AGBL4: variants seen among roughly 807,000 people sequenced by gnomAD.
The protein encoded by AGBL4 is AGBL carboxypeptidase 4.
AGBL4 carries 58 observed loss-of-function variants against 66.4 expected under a neutral mutation model. That is an observed-to-expected ratio of 0.87 (90% CI 0.71 to 1.09). The LOEUF (loss-of-function observed/expected upper bound fraction) is 1.09, where lower values mean the gene tolerates loss of function less well. AGBL4 is among the 50% of genes least tolerant of loss of function. The probability of loss-of-function intolerance (pLI) is 0.00; values close to 1 mark genes in which losing one functional copy is unlikely to be tolerated. For missense variants in AGBL4, 579 were observed against 631.0 expected (o/e 0.92, Z 0.88); for synonymous variants, 234 against 222.9 (o/e 1.05, Z -0.44).
At chr1:49,747,808 A>G (rs1024865462) in intron 2 of AGBL4, among the ~76,000 whole-genome samples, 4 of 152,120 alleles carry the variant, frequency 2.6e-5, no homozygotes, top group African/African-American at 9.7e-5. Flanking sequence ...GTTTACTATC[A>G]TTTGATGCAA....
intron 4 of AGBL4, among the ~76,000 whole-genome samples, chr1:49,110,716 A>C (rs921081180): frequency 6.6e-5 from 10 of 151,900 alleles, no homozygotes; most frequent in Admixed American, 5.2e-4. Flanking sequence ...AACAACCTTG[A>C]CCCCGTGACT....
chr1:49,953,570 C>T (rs929136743), intron 1 of AGBL4, among the ~76,000 whole-genome samples: 26 of 151,738 alleles, frequency 1.7e-4, no homozygotes, highest in Admixed American at 5.3e-4. Flanking sequence ...CACGCTTAAT[C>T]CAAAAATCCG....
chr1:50,003,614 G>C (rs1394174014), intron 1 of AGBL4, among the ~76,000 whole-genome samples: 2 of 152,172 alleles, frequency 1.3e-5, no homozygotes, highest in Non-Finnish European at 2.9e-5. Flanking sequence ...CCAGGGACCA[G>C]AGAATTCTAT....
chr1:49,373,007 G>A (rs1188797638), intron 3 of AGBL4, among the ~76,000 whole-genome samples: 3 of 151,950 alleles, frequency 2.0e-5, no homozygotes, highest in East Asian at 3.9e-4. Context: ...GATCCTCCTG[G>A]GTCACCTTCC....
chr1:48,952,788 C>T (rs182971334), intron 5 of AGBL4, among the ~76,000 whole-genome samples: 1 of 152,264 alleles, frequency 6.6e-6, no homozygotes, highest in Non-Finnish European at 1.5e-5. Context: ...GGGCCACACA[C>T]AGTCCAAGAT....
At chr1:49,759,716 T>C (rs987319221) in intron 2 of AGBL4, among the ~76,000 whole-genome samples, 3 of 152,160 alleles carry the variant, frequency 2.0e-5, no homozygotes, top group East Asian at 1.9e-4. Flanking sequence ...CAAATGTCCA[T>C]TAACAGATGA....
rs1001639100 is a variant in AGBL4, at chr1:48,533,549, T to C, written c.*624A>G. ...AATTTTAATTAAACTACCGAGGAAA[T>C]TGGGAAACAGCTCTCAAAACAGTTT... On this transcript the variant is annotated 3_prime_UTR_variant, in exon 14 of 14. Coordinates refer to ENST00000371839, the MANE Select transcript of AGBL4 (RefSeq NM_032785.4). The C allele has an allele frequency of 1.3e-5, 2 of 152,598 alleles. No individual in the cohort carries two copies. The highest frequency in any genetic ancestry group is 3.2e-3 in the Middle Eastern group (1 of 316). 9.5% of individuals were successfully genotyped at this position (152,598 alleles called of 1,614,324 possible). A position where few individuals can be genotyped will look rare whatever the true frequency, so the allele number is the denominator to read the frequency against.
At chr1:48,669,318 G>A (rs1646239861) in intron 6 of AGBL4, among the ~76,000 whole-genome samples, 1 of 152,198 alleles carries the variant, frequency 6.6e-6, no homozygotes, top group East Asian at 1.9e-4. Flanking sequence ...TGAGTGACAA[G>A]CCGTGGAATG....
chr1:48,697,276 C>A (rs76924002), intron 6 of AGBL4, among the ~76,000 whole-genome samples: 4,018 of 152,188 alleles, frequency 0.026, 127 homozygotes, highest in South Asian at 0.13. Context: ...ATGAAAATGC[C>A]CCGTGCTGCC....
rs1002648061 is a variant in AGBL4, at chr1:48,736,556, A to T, written c.635-73315T>A. On this transcript the variant is annotated intron_variant, in intron 6 of 13. Transcript: ENST00000371839. This position sits in a 1 kb window ranked among gnomAD's most constrained non-coding sequence, Gnocchi z 4.0. The stretch of plus-strand genomic sequence containing the variant: ...ATTGCTGCACAACTGTAAGAGATTC[A>T]TGTCATAAATATGAAATTAACTCTC... 2.0e-6 allele frequency: 2 copies of T among 986,458 alleles called. No individual in the cohort carries two copies. Among genetic ancestry groups the T allele is most frequent in the Non-Finnish European group, 3.1e-6 (2 of 646,442 alleles). The allele number at this position is 986,458 out of a possible 1,614,324, so 61.1% of individuals were successfully genotyped here.
intron 3 of AGBL4, among the ~76,000 whole-genome samples, chr1:49,329,450 G>A (rs1322471695): frequency 6.6e-6 from 1 of 152,172 alleles, no homozygotes; most frequent in Non-Finnish European, 1.5e-5. Flanking sequence ...TGGATTGCTT[G>A]AGATCAGGAG....
chr1:49,871,606 G>A (rs759288092), intron 1 of AGBL4, among the ~76,000 whole-genome samples: 1 of 151,970 alleles, frequency 6.6e-6, no homozygotes, highest in Non-Finnish European at 1.5e-5. Flanking sequence ...GATATATTCA[G>A]CTTCTTCAGT....
At chr1:48,855,631 T>C (rs1048746158) in intron 6 of AGBL4, among the ~76,000 whole-genome samples, 2 of 152,166 alleles carry the variant, frequency 1.3e-5, no homozygotes, top group African/African-American at 4.8e-5. Flanking sequence ...ATTCCATTTC[T>C]AAAATATCCA....
intron 4 of AGBL4, among the ~76,000 whole-genome samples, chr1:49,221,545 C>A (rs1557741218): frequency 6.6e-6 from 1 of 152,168 alleles, no homozygotes; most frequent in Non-Finnish European, 1.5e-5. Context: ...TATCAATAGC[C>A]ATGAACTTCT....
intron 3 of AGBL4, among the ~76,000 whole-genome samples, chr1:49,452,924 G>A (rs567186880): frequency 6.6e-6 from 1 of 151,988 alleles, no homozygotes; most frequent in Admixed American, 6.6e-5. Flanking sequence ...GTCACTGGCA[G>A]GCACTTATTT....
At chr1:48,965,994 C>T (rs899141054) in intron 5 of AGBL4, among the ~76,000 whole-genome samples, 1 of 152,124 alleles carries the variant, frequency 6.6e-6, no homozygotes, top group African/African-American at 2.4e-5. Flanking sequence ...AGAATTCTCA[C>T]TTCACTTTTA....
chr1:49,076,213 C>T (rs1165657101), intron 4 of AGBL4, among the ~76,000 whole-genome samples: 1 of 152,080 alleles, frequency 6.6e-6, no homozygotes, highest in Non-Finnish European at 1.5e-5. Flanking sequence ...GGATATGTTC[C>T]AAGATACCTA....
intron 3 of AGBL4, among the ~76,000 whole-genome samples, chr1:49,392,936 G>C (rs1644881349): frequency 6.6e-6 from 1 of 152,056 alleles, no homozygotes; most frequent in Non-Finnish European, 1.5e-5. Flanking sequence ...TGCCTTCAAA[G>C]TAAGTATTAT....
Position 49,700,298 on chromosome 1 carries a change from A to AATAGATAG in AGBL4, c.158-2869_158-2862dup, listed in dbSNP as rs59788309. On this transcript the variant is annotated intron_variant, in intron 2 of 13. Transcript: ENST00000371839. Reference sequence around the variant, plus strand: ...CCACCAAGAACATATAAAAACATTAAATAGATAGATAGATAGATAGATAGA... The same window carrying AATAGATAG: ...CCACCAAGAACATATAAAAACATTAAATAGATAGATAGATAGATAGATAGATAGATAGA... 5.7e-3 allele frequency among the ~76,000 whole-genome samples: 837 copies of AATAGATAG among 146,480 alleles called. 5 individuals are homozygous for AATAGATAG. The highest frequency in any genetic ancestry group is 0.018 in the East Asian group (88 of 4,930).
Sources: allele counts gnomAD v4.1 joint callset (sites outside exome capture counted in the v4.1 genomes callset), GRCh38; gene constraint gnomAD v4.1.1; non-coding constraint Gnocchi (gnomAD v3.1); transcripts MANE v1.5; gene names NCBI Gene and HGNC (gene_info 2026-07-23, HGNC 2026-07-21).